Variants in PRDM2 observed in about 807,000 individuals in gnomAD.
PRDM2 encodes PR domain zinc finger protein 2.
In PRDM2, 30 loss-of-function variants were observed where a neutral mutation model predicts 130.0. The observed-to-expected ratio is 0.23, with a 90% CI of 0.17 to 0.31. The LOEUF is 0.31. Ranked by LOEUF, PRDM2 falls within the 10% of genes least tolerant of loss-of-function variation. The pLI is 1.00. For synonymous variants in PRDM2, 871 were observed against 782.4 expected (o/e 1.11, Z -1.89); for missense variants, 2,011 against 2,108.4 (o/e 0.95, Z 0.90).
At chr1:13,814,534 T>C (rs1013364939) in intron 8 of PRDM2, among the ~76,000 whole-genome samples, 2 of 152,228 alleles carry the variant, frequency 1.3e-5, no homozygotes, top group African/African-American at 2.4e-5. Context: ...ATTGACACTG[T>C]CAGCATTTGG....
chr1:13,787,011 CAG>C (rs956690717), intron 8 of PRDM2: 1 of 986,004 alleles, frequency 1.0e-6, no homozygotes, highest in African/African-American at 1.7e-5. Context: ...TAATTATAGA[CAG>C]AGAGAGGCAT....
chr1:13,775,969 C>T (rs763886399), intron 7 of PRDM2, among the ~76,000 whole-genome samples: 28 of 152,340 alleles, frequency 1.8e-4, no homozygotes, highest in Non-Finnish European at 3.4e-4. Flanking sequence ...CATTAATTTA[C>T]AGTGTTCTCT....
At chr1:13,822,692 G>A (rs1443008458) in intron 9 of PRDM2, among the ~76,000 whole-genome samples, 1 of 152,050 alleles carries the variant, frequency 6.6e-6, no homozygotes. Flanking sequence ...GCGCCTGGCC[G>A]AGGTGGTGTC....
intron 8 of PRDM2, among the ~76,000 whole-genome samples, chr1:13,793,861 A>G (rs2100713057): frequency 6.6e-6 from 1 of 152,278 alleles, no homozygotes; most frequent in Non-Finnish European, 1.5e-5. Flanking sequence ...GTGTTTTAAG[A>G]AAGTCTATGA....
At chr1:13,796,545 C>G (rs1283098242) in intron 8 of PRDM2, among the ~76,000 whole-genome samples, 1 of 152,164 alleles carries the variant, frequency 6.6e-6, no homozygotes, top group Non-Finnish European at 1.5e-5. Flanking sequence ...CATTTGAACT[C>G]AGGAGTTCAA....
chr1:13,824,782 A>C lies in PRDM2; in HGVS notation c.*1647A>C, dbSNP rs41269811. The C allele has an allele frequency of 0.04, 6,082 of 152,346 alleles. 215 individuals are homozygous for C. The highest frequency in any genetic ancestry group is 0.14 in the South Asian group (695 of 4,818). The allele number at this position is 152,346 out of a possible 1,614,324, so 9.4% of individuals were successfully genotyped here. A position where few individuals can be genotyped will look rare whatever the true frequency, so the allele number is the denominator to read the frequency against. Reference sequence around the variant, plus strand: ...CCTCTCAGTTCTTGAGGGCCTCCCCACCGCAGCAGCAAGGAAAGCTCACGA... The same window carrying C: ...CCTCTCAGTTCTTGAGGGCCTCCCCCCCGCAGCAGCAAGGAAAGCTCACGA... On this transcript the variant is annotated 3_prime_UTR_variant, in exon 10 of 10. Coordinates refer to ENST00000311066, the MANE Select transcript of PRDM2 (RefSeq NM_001393986.1).
chr1:13,740,995 C>T (rs1194546403), intron 4 of PRDM2, among the ~76,000 whole-genome samples: 1 of 152,188 alleles, frequency 6.6e-6, no homozygotes, highest in Non-Finnish European at 1.5e-5. Flanking sequence ...ATGGAAACAT[C>T]TAGATTATAT....
chr1:13,779,077 G>A lies in PRDM2; in HGVS notation c.1282G>A (p.Glu428Lys). The stretch of plus-strand genomic sequence containing the variant: ...ACCCAGCCAAACACTACAGCCGTCA[G>A]AGGATCTGGCTGATGGCAAAGCATC... ...RKPSQTLQPS[E>K]DLADGKASGE... Residue 428 changes from glutamate (E) to lysine (K), a missense_variant, in exon 8 of 10, where the codon GAG becomes AAG. Glu to Lys is a moderately conservative substitution (Grantham distance 56). Coordinates refer to ENST00000311066, the MANE Select transcript of PRDM2 (RefSeq NM_001393986.1). This position sits in a 1 kb window ranked among gnomAD's most constrained non-coding sequence, Gnocchi z 4.9. 1.9e-6 allele frequency: 3 copies of A among 1,614,214 alleles called. No individual in the cohort carries two copies. The highest frequency in any genetic ancestry group is 1.7e-6 in the Non-Finnish European group (2 of 1,180,044).
intron 6 of PRDM2, chr1:13,769,170 G>T (rs769205303): frequency 8.7e-5 from 86 of 985,040 alleles, no homozygotes; most frequent in Middle Eastern, 5.2e-4. Flanking sequence ...CCCAGGACCC[G>T]ATGGTAAGTG....
chr1:13,700,457 C>A (rs1475075158), intron 1 of PRDM2, among the ~76,000 whole-genome samples, 157 bp downstream of exon 1: 3 of 149,894 alleles, frequency 2.0e-5, no homozygotes, highest in Non-Finnish European at 4.5e-5. Flanking sequence ...AGGTCCCGGG[C>A]GTGCCGGGGG....
In PRDM2 at chr1:13,758,446, CAAAAAAA is replaced by C. The variant is rs373553025; in HGVS notation, c.511+8972_511+8978del. Among the ~76,000 whole-genome samples, 6 of 73,842 alleles carry C rather than the reference CAAAAAAA, an allele frequency of 8.1e-5. No homozygotes were observed. The East Asian group carries it at 1.5e-3, about 18-fold the overall frequency. The allele number at this position is 73,842 out of a possible 152,430, so 48.4% of individuals were successfully genotyped here. On this transcript the variant is annotated intron_variant, in intron 6 of 9. Coordinates refer to ENST00000311066, the MANE Select transcript of PRDM2 (RefSeq NM_001393986.1). ...TGGGCAGCAGAGTGAGACTTTGTCT[CAAAAAAA>C]AAAAAAAAAAAAGTAAGTAGTTAAC...
intron 8 of PRDM2, among the ~76,000 whole-genome samples, chr1:13,804,691 G>T: frequency 6.6e-6 from 1 of 152,160 alleles, no homozygotes. Flanking sequence ...CCAATGCCTG[G>T]GCTGTACCTG....
At chr1:13,700,937 C>G (rs1321448787) in intron 1 of PRDM2, among the ~76,000 whole-genome samples, 1 of 152,180 alleles carries the variant, frequency 6.6e-6, no homozygotes, top group Non-Finnish European at 1.5e-5. Flanking sequence ...GCTAATAAAG[C>G]TATCAATGAA....
At chr1:13,774,743 G>A (rs1644434619) in intron 7 of PRDM2, among the ~76,000 whole-genome samples, 2 of 152,212 alleles carry the variant, frequency 1.3e-5, no homozygotes, top group East Asian at 1.9e-4. Flanking sequence ...TTGGGAGGCC[G>A]AGGCGGGTGG....
At chr1:13,822,629 T>C (rs905791454) in intron 9 of PRDM2, among the ~76,000 whole-genome samples, 19 of 152,170 alleles carry the variant, frequency 1.2e-4, no homozygotes, top group African/African-American at 4.3e-4. Context: ...CCTGACCTGG[T>C]GATCTGCTCG....
chr1:13,761,184 C>T (rs1398157212), intron 6 of PRDM2, among the ~76,000 whole-genome samples: 1 of 152,224 alleles, frequency 6.6e-6, no homozygotes, highest in Non-Finnish European at 1.5e-5. Flanking sequence ...TCACTGTTTG[C>T]TCGTCTTACC....
intron 6 of PRDM2, among the ~76,000 whole-genome samples, chr1:13,754,537 A>C: frequency 6.8e-6 from 1 of 147,420 alleles, no homozygotes; most frequent in East Asian, 1.9e-4. Flanking sequence ...CCACTCCTAC[A>C]TGCAGTTGAC....
Position 13,823,283 on chromosome 1 carries a change from G to T in PRDM2, c.*148G>T. On this transcript the variant is annotated 3_prime_UTR_variant, in exon 10 of 10. Coordinates refer to ENST00000311066, the MANE Select transcript of PRDM2 (RefSeq NM_001393986.1). The stretch of plus-strand genomic sequence containing the variant: ...GGAGTGCATGTGCGCGCGTGCATGT[G>T]TGCGTGCGTGTGTGTTCACGTGTTC... The T allele has an allele frequency of 1.5e-6, 2 of 1,331,780 alleles. No homozygotes were observed. The highest frequency in any genetic ancestry group is 2.1e-6 in the Non-Finnish European group (2 of 937,300). The allele number at this position is 1,331,780 out of a possible 1,614,324, so 82.5% of individuals were successfully genotyped here.
chr1:13,782,895 T>G (rs1644649554), intron 8 of PRDM2, 64 bp downstream of exon 8: 1 of 1,591,416 alleles, frequency 6.3e-7, no homozygotes, highest in African/African-American at 1.4e-5. Flanking sequence ...CCTACGGGTG[T>G]TTTTTGGTTT....
Sources: allele counts gnomAD v4.1 joint callset (sites outside exome capture counted in the v4.1 genomes callset), GRCh38; gene constraint gnomAD v4.1.1; non-coding constraint Gnocchi (gnomAD v3.1); transcripts MANE v1.5; gene names NCBI Gene and HGNC (gene_info 2026-07-23, HGNC 2026-07-21).